PRELID2: variants seen among roughly 807,000 people sequenced by gnomAD.
PRELID2 encodes PRELI domain-containing protein 2.
A neutral mutation model predicts 28.4 loss-of-function variants in PRELID2; 25 were observed. The observed-to-expected ratio is 0.88, with a 90% CI of 0.64 to 1.23. PRELID2 has a LOEUF of 1.23. Among genes scored for constraint, PRELID2 ranks in the 50% most tolerant of loss-of-function variants. The probability of loss-of-function intolerance (pLI) is 0.00; values close to 1 mark genes in which losing one functional copy is unlikely to be tolerated. For synonymous variants in PRELID2, 76 were observed against 71.6 expected (o/e 1.06, Z -0.31); for missense variants, 201 against 214.4 (o/e 0.94, Z 0.39).
At chr5:145,395,367 G>T in the PRELID2 span, among the ~76,000 whole-genome samples, 17 of 152,188 alleles carry the variant, frequency 1.1e-4, no homozygotes, top group Admixed American at 2.0e-4. Context: ...TCCACCAACT[G>T]GTGCTACCGA....
the PRELID2 span, among the ~76,000 whole-genome samples, chr5:145,425,861 T>A: frequency 6.6e-6 from 1 of 151,654 alleles, no homozygotes; most frequent in Non-Finnish European, 1.5e-5. Flanking sequence ...AAAAAAAAAA[T>A]AATTCAGCAA....
At chr5:145,280,482 T>C in the PRELID2 span, among the ~76,000 whole-genome samples, 12 of 152,062 alleles carry the variant, frequency 7.9e-5, no homozygotes, top group Non-Finnish European at 1.8e-4. Flanking sequence ...TACATATAGA[T>C]GCATGTGAGT....
At chr5:145,418,845 T>C in the PRELID2 span, among the ~76,000 whole-genome samples, 7 of 151,388 alleles carry the variant, frequency 4.6e-5, no homozygotes, top group East Asian at 3.9e-4. Context: ...CGTCATCTAG[T>C]ATTAGGTATA....
At chr5:145,321,946 C>G in the PRELID2 span, among the ~76,000 whole-genome samples, 1 of 152,208 alleles carries the variant, frequency 6.6e-6, no homozygotes, top group Admixed American at 6.5e-5. Context: ...CCATCCTCAA[C>G]AGGAGATGTG....
intron 1 of PRELID2, among the ~76,000 whole-genome samples, chr5:145,549,607 A>G (rs1281427896): frequency 6.6e-6 from 1 of 150,998 alleles, no homozygotes; most frequent in African/African-American, 2.5e-5. Flanking sequence ...ATCCTGGCTA[A>G]CAAAGTGAAA....
chr5:145,419,930 G>T, the PRELID2 span, among the ~76,000 whole-genome samples: 7 of 152,040 alleles, frequency 4.6e-5, no homozygotes, highest in Admixed American at 3.3e-4. Flanking sequence ...AAGGGATCCA[G>T]TTTCAGCTTT....
chr5:145,257,248 T>A, the PRELID2 span, among the ~76,000 whole-genome samples: 2 of 152,058 alleles, frequency 1.3e-5, no homozygotes, highest in African/African-American at 4.8e-5. Flanking sequence ...AGCAGAGCAG[T>A]AACTATATAA....
chr5:145,616,583 A>G (rs1314083571), intron 1 of PRELID2, among the ~76,000 whole-genome samples: 1 of 152,190 alleles, frequency 6.6e-6, no homozygotes, highest in Non-Finnish European at 1.5e-5. Context: ...CCCAAGCCGT[A>G]AAACCAGCAA....
chr5:145,736,851 A>T (rs1756509963), intron 1 of PRELID2, among the ~76,000 whole-genome samples: 1 of 152,212 alleles, frequency 6.6e-6, no homozygotes, highest in Admixed American at 6.5e-5. Flanking sequence ...AAACATTCCT[A>T]GTAATCAAAT....
At chr5:145,539,708 A>C (rs1488508042) in intron 1 of PRELID2, among the ~76,000 whole-genome samples, 1 of 151,936 alleles carries the variant, frequency 6.6e-6, no homozygotes, top group Non-Finnish European at 1.5e-5. Flanking sequence ...TCTAGTAAAT[A>C]ATAAATAAAT....
intron 1 of PRELID2, among the ~76,000 whole-genome samples, chr5:145,579,877 G>T (rs1753093269): frequency 1.3e-5 from 2 of 151,926 alleles, no homozygotes; most frequent in African/African-American, 2.4e-5. Context: ...CAGTGTTTAA[G>T]GGCACAACCT....
At chr5:145,352,918 C>G in the PRELID2 span, among the ~76,000 whole-genome samples, 2 of 152,172 alleles carry the variant, frequency 1.3e-5, no homozygotes, top group African/African-American at 4.8e-5. Context: ...CATCTGAGAT[C>G]ACCTCAGCTT....
intron 1 of PRELID2, among the ~76,000 whole-genome samples, chr5:145,505,703 T>C (rs1468371182): frequency 6.6e-6 from 1 of 152,194 alleles, no homozygotes; most frequent in Non-Finnish European, 1.5e-5. Context: ...TGCATTCCCA[T>C]GTTCATTGTT....
intron 1 of PRELID2, among the ~76,000 whole-genome samples, chr5:145,593,844 G>A (rs1449868288): frequency 1.3e-5 from 2 of 152,160 alleles, no homozygotes; most frequent in African/African-American, 4.8e-5. Flanking sequence ...ATTTAATCAT[G>A]AACTATGACC....
At chr5:145,431,830 T>C in the PRELID2 span, among the ~76,000 whole-genome samples, 1 of 152,186 alleles carries the variant, frequency 6.6e-6, no homozygotes, top group Non-Finnish European at 1.5e-5. Context: ...AGGATAATGA[T>C]GTCATATCTA....
At chr5:145,432,963 G>T in the PRELID2 span, among the ~76,000 whole-genome samples, 1 of 152,026 alleles carries the variant, frequency 6.6e-6, no homozygotes, top group South Asian at 2.1e-4. Context: ...TAAATATCCA[G>T]CTTTAATGCT....
At chr5:145,798,666 A>G (rs1264795766) in intron 4 of PRELID2, among the ~76,000 whole-genome samples, 2 of 152,260 alleles carry the variant, frequency 1.3e-5, no homozygotes, top group Admixed American at 6.5e-5. Context: ...AATGTGGCAC[A>G]TATACACCAT....
intron 4 of PRELID2, among the ~76,000 whole-genome samples, chr5:145,796,994 G>C (rs1752799565): frequency 6.6e-6 from 1 of 152,104 alleles, no homozygotes; most frequent in Non-Finnish European, 1.5e-5. Flanking sequence ...TATTACTAAA[G>C]AGAGTCAGAT....
the PRELID2 span, among the ~76,000 whole-genome samples, chr5:145,285,102 C>A: frequency 6.6e-6 from 1 of 152,192 alleles, no homozygotes; most frequent in East Asian, 1.9e-4. Flanking sequence ...AGAAACAGGA[C>A]TCAAACCCGA....
Sources: allele counts gnomAD v4.1 joint callset (sites outside exome capture counted in the v4.1 genomes callset), GRCh38; gene constraint gnomAD v4.1.1; transcripts MANE v1.5; gene names NCBI Gene and HGNC (gene_info 2026-07-23, HGNC 2026-07-21).